Variants in EYS observed in about 807,000 individuals in gnomAD.
EYS encodes protein eyes shut homolog.
In EYS, 250 loss-of-function variants were observed where a neutral mutation model predicts 282.1. The ratio of observed to expected loss-of-function variants is 0.89; its 90% CI spans 0.80 to 0.98. The LOEUF is 0.98. Ranked by LOEUF, EYS falls within the 50% of genes least tolerant of loss-of-function variation. EYS has a pLI of 0.00. For missense variants in EYS, 4,016 were observed against 3,709.0 expected, an observed-to-expected ratio of 1.08 and a Z score of -2.15; for synonymous variants, 1,355 against 1,282.9, an observed-to-expected ratio of 1.06 and a Z score of -1.20.
Position 65,020,422 on chromosome 6 carries a change from T to C in EYS, c.2138-22719A>G, listed in dbSNP as rs191960777. Among the ~76,000 whole-genome samples, 100 of 152,276 alleles carry C rather than the reference T, an allele frequency of 6.6e-4. 1 individual carries two copies. Among genetic ancestry groups the C allele is most frequent in the African/African-American group, 2.2e-3 (92 of 41,560 alleles). On this transcript the variant is annotated intron_variant, in intron 13 of 42. Coordinates refer to ENST00000503581, the MANE Select transcript of EYS (RefSeq NM_001142800.2). ...GAAATCCAATAGGGCAGTCATTAAATCTTAAAGTTCCAAAATGGTCTCCTT... is the reference window on the plus strand; with the variant it reads ...GAAATCCAATAGGGCAGTCATTAAACCTTAAAGTTCCAAAATGGTCTCCTT...
Position 65,490,647 on chromosome 6 carries a change from C to T in EYS, c.809G>A (p.Cys270Tyr), listed in dbSNP as rs1361893624. The T allele has an allele frequency of 6.2e-7, 1 of 1,612,562 alleles. No homozygotes were observed. Among genetic ancestry groups the T allele is most frequent in the East Asian group, 2.2e-5 (1 of 44,704 alleles). Residue 270 changes from cysteine to tyrosine, a missense_variant, in exon 5 of 43, where the codon TGC (cysteine) becomes TAC (tyrosine). Cys to Tyr is a radical substitution (Grantham distance 194). Transcript: ENST00000503581. ...CQPHVCFHGNCSNITSNSFIC... is the reference protein window; with the variant it reads ...CQPHVCFHGNYSNITSNSFIC... ...GAAACTATTTGAAGTAATATTGCTG[C>T]AGTTTCCATGGAAACAGACATGTGG... is the stretch of plus-strand genomic sequence containing the variant.
At chr6:64,013,775 G>A (rs917191485) in intron 33 of EYS, among the ~76,000 whole-genome samples, 2 of 151,952 alleles carry the variant, frequency 1.3e-5, no homozygotes, top group South Asian at 4.2e-4. Context: ...TAGGAAAGCT[G>A]AAAAGCTCAA....
chr6:64,549,064 G>T (rs1003273552), intron 26 of EYS, among the ~76,000 whole-genome samples: 1 of 152,026 alleles, frequency 6.6e-6, no homozygotes, highest in African/African-American at 2.4e-5. Context: ...TATCAAATTC[G>T]GTTCTTTCTT....
At chr6:64,794,777 T>C (rs548452477) in intron 22 of EYS, among the ~76,000 whole-genome samples, 12 of 152,302 alleles carry the variant, frequency 7.9e-5, no homozygotes, top group African/African-American at 2.6e-4. Context: ...ACAATTCAAA[T>C]AATCAATTCC....
chr6:64,707,824 T>C (rs1191482290), intron 22 of EYS, among the ~76,000 whole-genome samples: 1 of 152,014 alleles, frequency 6.6e-6, no homozygotes, highest in Non-Finnish European at 1.5e-5. Flanking sequence ...CTCTACATTA[T>C]GTAGGTCAAA....
At chr6:64,147,120 C>T (rs1774545037) in intron 31 of EYS, among the ~76,000 whole-genome samples, 1 of 152,132 alleles carries the variant, frequency 6.6e-6, no homozygotes, top group African/African-American at 2.4e-5. Flanking sequence ...AAATTGCTGA[C>T]TTGGGCTGAT....
At chr6:64,525,937 A>G (rs1166133024) in intron 26 of EYS, among the ~76,000 whole-genome samples, 2 of 151,820 alleles carry the variant, frequency 1.3e-5, no homozygotes, top group South Asian at 4.1e-4. Context: ...TGGTAGTTTT[A>G]TTTGTAATAG....
At chr6:64,424,868 T>A (rs1774352113) in intron 28 of EYS, among the ~76,000 whole-genome samples, 1 of 152,274 alleles carries the variant, frequency 6.6e-6, no homozygotes, top group South Asian at 2.1e-4. Context: ...GTAGGTGCTA[T>A]AACAGATAAC....
At position 64,591,015 on chromosome 6, in the gene EYS, T is replaced by G; in HGVS notation, c.4852A>C (p.Thr1618Pro). The change falls in exon 26 of 43, where the codon ACA becomes CCA. Residue 1618 changes from threonine to proline, a missense_variant. Transcript: ENST00000503581. The stretch of plus-strand genomic sequence containing the variant: ...ACTTCTGTGAATGCCACTGATGGTG[T>G]TATTTCAGTAGCAGAAGAAAATGAA... Reference protein sequence around the residue: ...GHSFSSATEITPSVAFTEVPS... With the variant: ...GHSFSSATEIPPSVAFTEVPS... 2.6e-6 allele frequency: 4 copies of G among 1,551,344 alleles called. No homozygotes were observed. The highest frequency in any genetic ancestry group is 3.3e-4 in the Middle Eastern group (2 of 5,992).
intron 12 of EYS, among the ~76,000 whole-genome samples, chr6:65,292,262 GT>G (rs34026985): frequency 6.6e-6 from 1 of 151,680 alleles, no homozygotes; most frequent in Non-Finnish European, 1.5e-5. Context: ...GTGCATTGGT[GT>G]TTTTAAAAGA....
At chr6:65,371,229 T>C (rs896572701) in intron 8 of EYS, among the ~76,000 whole-genome samples, 4 of 151,806 alleles carry the variant, frequency 2.6e-5, no homozygotes, top group African/African-American at 9.7e-5. Flanking sequence ...TTACTTTGTG[T>C]TAGGTATTAC....
chr6:65,315,506 G>T (rs1280762498), intron 11 of EYS, among the ~76,000 whole-genome samples: 1 of 151,936 alleles, frequency 6.6e-6, no homozygotes. Flanking sequence ...GAGTTCAGTT[G>T]TGTCTCTTTT....
intron 22 of EYS, among the ~76,000 whole-genome samples, chr6:64,700,115 G>T (rs1021205091): frequency 2.0e-5 from 3 of 151,834 alleles, no homozygotes; most frequent in Non-Finnish European, 4.4e-5. Context: ...CCACATAAAC[G>T]GAATTAAAAT....
At chr6:65,399,411 G>A (rs1430810939) in intron 7 of EYS, among the ~76,000 whole-genome samples, 1 of 151,752 alleles carries the variant, frequency 6.6e-6, no homozygotes, top group Admixed American at 6.6e-5. Flanking sequence ...ATTATATAAT[G>A]AATCAAATAA....
intron 6 of EYS, among the ~76,000 whole-genome samples, chr6:65,404,630 T>G (rs576271588): frequency 6.6e-6 from 1 of 152,046 alleles, no homozygotes; most frequent in Admixed American, 6.6e-5. Context: ...TATCTGTATA[T>G]TATGTTCTAT....
At chr6:64,235,078 T>G (rs1055058910) in intron 30 of EYS, among the ~76,000 whole-genome samples, 2 of 134,658 alleles carry the variant, frequency 1.5e-5, no homozygotes, top group Non-Finnish European at 3.2e-5. Flanking sequence ...TTTTATTTTT[T>G]TATTTTTATT....
chr6:63,927,884 A>ATCCC (rs916705718), intron 35 of EYS, among the ~76,000 whole-genome samples: 3 of 152,246 alleles, frequency 2.0e-5, no homozygotes, highest in African/African-American at 7.2e-5. Flanking sequence ...GGTCACCTCC[A>ATCCC]TCCCTGAAAT....
intron 12 of EYS, among the ~76,000 whole-genome samples, chr6:65,283,463 G>A (rs966785207): frequency 2.6e-5 from 4 of 151,810 alleles, no homozygotes; most frequent in African/African-American, 9.6e-5. Context: ...GTTCATTGTC[G>A]TGACTATTTG....
intron 22 of EYS, among the ~76,000 whole-genome samples, chr6:64,704,441 CTATAT>C (rs1330693592): frequency 1.6e-4 from 20 of 125,548 alleles, no homozygotes; most frequent in Non-Finnish European, 2.7e-4. Context: ...ATAATATAAT[CTATAT>C]TATAATATAA....
Sources: allele counts gnomAD v4.1 joint callset (sites outside exome capture counted in the v4.1 genomes callset), GRCh38; gene constraint gnomAD v4.1.1; transcripts MANE v1.5; gene names NCBI Gene and HGNC (gene_info 2026-07-23, HGNC 2026-07-21).